MICU1: variants seen among roughly 807,000 people sequenced by gnomAD.
MICU1 encodes mitochondrial calcium uptake 1, also known as calcium uptake protein 1, mitochondrial.
In MICU1, 45 loss-of-function variants were observed where a neutral mutation model predicts 56.8. The observed-to-expected ratio is 0.79, with a 90% CI of 0.62 to 1.02. MICU1 has a LOEUF of 1.02. Among genes scored for constraint, MICU1 ranks in the 50% least tolerant of loss-of-function variants. MICU1 has a pLI of 0.00. For synonymous variants in MICU1, 186 were observed against 195.1 expected (o/e 0.95, Z 0.39); for missense variants, 504 against 587.1 (o/e 0.86, Z 1.46).
chr10:72,454,665 C>A (rs1377645737), intron 8 of MICU1, among the ~76,000 whole-genome samples: 3 of 151,292 alleles, frequency 2.0e-5, no homozygotes, highest in Admixed American at 6.6e-5. Context: ...CCCCTGTAGT[C>A]CCAGCTATCC....
At position 72,407,962 on chromosome 10, in the gene MICU1, A is replaced by C; in HGVS notation, c.1147T>G (p.Phe383Val). The change falls in exon 10 of 12, where the codon TTT (phenylalanine) becomes GTT (valine). Residue 383 changes from phenylalanine (F) to valine (V), a missense_variant. By Grantham distance (50) the Phe-to-Val change is conservative (BLOSUM62 -1). Coordinates refer to ENST00000361114, the MANE Select transcript of MICU1 (RefSeq NM_001195518.2). ...NINDVDTALS[F>V]YHMAGASLDK... ...AGAGATGCTCCAGCCATATGGTAAA[A>C]ACTCAATGCAGTGTCCACATCATTA... 6.2e-7 allele frequency: 1 copy of C among 1,613,696 alleles called. No individual in the cohort carries two copies. The highest frequency in any genetic ancestry group is 8.5e-7 in the Non-Finnish European group (1 of 1,179,746).
At chr10:72,609,809 G>A (rs1304197007) in intron 1 of MICU1, among the ~76,000 whole-genome samples, 9 of 151,160 alleles carry the variant, frequency 6.0e-5, no homozygotes, top group African/African-American at 2.2e-4. Flanking sequence ...GCCTAGGTGG[G>A]TGGATCACGA....
chr10:72,397,291 A>T (rs978518910), intron 10 of MICU1, among the ~76,000 whole-genome samples: 2 of 152,212 alleles, frequency 1.3e-5, no homozygotes, highest in Non-Finnish European at 2.9e-5. Context: ...AGCACTAAAC[A>T]TGGAAAGAAA....
rs59919539 is a variant in MICU1 at position 72,489,281 on chromosome 10, G to A, written c.653-12025C>T. Among the ~76,000 whole-genome samples, 1,393 of 148,140 alleles carry A rather than the reference G, an allele frequency of 9.4e-3. 30 individuals carry two copies. Among genetic ancestry groups the A allele is most frequent in the African/African-American group, 0.032 (1,296 of 40,238 alleles). Reference sequence around the variant, plus strand: ...ACCACTCTAGCCTGGGTGACAGAGCGAGACTCTGTCACACACACACACACA... The same window carrying A: ...ACCACTCTAGCCTGGGTGACAGAGCAAGACTCTGTCACACACACACACACA... On this transcript the variant is annotated intron_variant, in intron 6 of 11. Coordinates refer to ENST00000361114, the MANE Select transcript of MICU1 (RefSeq NM_001195518.2).
intron 5 of MICU1, among the ~76,000 whole-genome samples, chr10:72,522,272 A>G (rs1165074621): frequency 6.6e-6 from 1 of 152,138 alleles, no homozygotes; most frequent in East Asian, 1.9e-4. Flanking sequence ...CTCTGATAGC[A>G]AAGTGATTTT....
chr10:72,536,355 A>AT (rs1198961908), intron 4 of MICU1, among the ~76,000 whole-genome samples: 3 of 151,722 alleles, frequency 2.0e-5, no homozygotes, highest in Non-Finnish European at 4.4e-5. Context: ...TAATTAATTA[A>AT]TTATTTTTTG....
intron 9 of MICU1, among the ~76,000 whole-genome samples, chr10:72,411,272 T>C (rs1863801808): frequency 6.6e-6 from 1 of 151,980 alleles, no homozygotes; most frequent in Non-Finnish European, 1.5e-5. Flanking sequence ...GAAATAGATG[T>C]GTATTTTACC....
chr10:72,535,146 C>T (rs1273297968), intron 4 of MICU1, among the ~76,000 whole-genome samples: 1 of 151,652 alleles, frequency 6.6e-6, no homozygotes, highest in African/African-American at 2.4e-5. Flanking sequence ...TCTCCTGCCT[C>T]GGCCTCCCAA....
At chr10:72,451,289 C>T (rs1442771186) in intron 8 of MICU1, among the ~76,000 whole-genome samples, 1 of 152,138 alleles carries the variant, frequency 6.6e-6, no homozygotes, top group Admixed American at 6.6e-5. Context: ...TCCCAAAGTG[C>T]TGGGATTACA....
chr10:72,494,930 G>A (rs564991049), intron 6 of MICU1, among the ~76,000 whole-genome samples: 43 of 152,020 alleles, frequency 2.8e-4, no homozygotes, highest in African/African-American at 9.9e-4. Context: ...ACAGTGTACA[G>A]CCTATCTATG....
intron 4 of MICU1, among the ~76,000 whole-genome samples, chr10:72,540,659 G>T (rs1839752006): frequency 6.6e-6 from 1 of 152,138 alleles, no homozygotes; most frequent in African/African-American, 2.4e-5. Context: ...GGGCAACAGA[G>T]CAAGACCCTG....
intron 1 of MICU1, among the ~76,000 whole-genome samples, chr10:72,606,692 T>C (rs1019260495): frequency 2.0e-5 from 3 of 152,008 alleles, no homozygotes; most frequent in Non-Finnish European, 2.9e-5. Context: ...TCTATCCTAA[T>C]GAGATGACTG....
intron 1 of MICU1, among the ~76,000 whole-genome samples, chr10:72,624,570 A>G (rs1842184584): frequency 6.6e-6 from 1 of 152,214 alleles, no homozygotes; most frequent in Non-Finnish European, 1.5e-5. Context: ...AAAGGAAGAC[A>G]GCAATAAACA....
chr10:72,447,235 T>C (rs1454762591), intron 8 of MICU1, among the ~76,000 whole-genome samples: 1 of 152,184 alleles, frequency 6.6e-6, no homozygotes, highest in Non-Finnish European at 1.5e-5. Flanking sequence ...GGGATAATAA[T>C]GTACAAAATG....
At chr10:72,497,051 C>G (rs1190582009) in intron 6 of MICU1, among the ~76,000 whole-genome samples, 1 of 151,908 alleles carries the variant, frequency 6.6e-6, no homozygotes, top group Non-Finnish European at 1.5e-5. Context: ...CCCAACAAAA[C>G]AAATAAGAGT....
rs189719822 is a variant in MICU1, at chr10:72,369,574, G to A, written c.1271-1219C>T. On this transcript the variant is annotated intron_variant, in intron 11 of 11. Transcript: ENST00000361114. ...GCTGTAATGGAGAGATGGTGAGGGG[G>A]TTTCGTGGTGAAAACCAAAATCAAA... Among the ~76,000 whole-genome samples the A allele has an allele frequency of 1.0e-3, 158 of 152,250 alleles. 1 individual carries two copies. The highest frequency in any genetic ancestry group is 0.01 in the Middle Eastern group (3 of 294).
intron 1 of MICU1, among the ~76,000 whole-genome samples, chr10:72,609,149 G>A (rs1841769729): frequency 1.3e-5 from 2 of 152,146 alleles, no homozygotes; most frequent in South Asian, 2.1e-4. Flanking sequence ...CCACTTATAT[G>A]AGGTACCTAA....
At chr10:72,580,350 G>A (rs560848610) in intron 1 of MICU1, among the ~76,000 whole-genome samples, 6 of 152,142 alleles carry the variant, frequency 3.9e-5, no homozygotes, top group African/African-American at 1.2e-4. Flanking sequence ...ACCCAAAAAA[G>A]GTTAAAACAT....
At position 72,583,634 on chromosome 10, in the gene MICU1, T is replaced by C. The variant is rs533928469; in HGVS notation, c.-1-16840A>G. Among the ~76,000 whole-genome samples, 338 of 152,330 alleles carry C rather than the reference T, an allele frequency of 2.2e-3. 1 individual carries two copies. The highest frequency in any genetic ancestry group is 7.6e-3 in the African/African-American group (317 of 41,568). ...TTATTGCTAGATGATAATACATACA[T>C]GAAATTATTCGAGGAATGGGATAAG... is the stretch of plus-strand genomic sequence containing the variant. On this transcript the variant is annotated intron_variant, in intron 1 of 11. Transcript: ENST00000361114.
Sources: allele counts gnomAD v4.1 joint callset (sites outside exome capture counted in the v4.1 genomes callset), GRCh38; gene constraint gnomAD v4.1.1; transcripts MANE v1.5; gene names NCBI Gene and HGNC (gene_info 2026-07-23, HGNC 2026-07-21).